The following MTHFD2L variants were observed in gnomAD, a reference collection of about 807,000 sequenced individuals.
The protein encoded by MTHFD2L is bifunctional methylenetetrahydrofolate dehydrogenase/cyclohydrolase 2, mitochondrial.
Under a neutral mutation model 34.9 loss-of-function variants are expected in MTHFD2L, and 29 were observed. The ratio of observed to expected loss-of-function variants is 0.83; its 90% CI spans 0.62 to 1.13. The LOEUF is 1.13. Among genes scored for constraint, MTHFD2L ranks in the 50% most tolerant of loss-of-function variants. The pLI is 0.00. For missense variants in MTHFD2L, 481 were observed against 446.5 expected (o/e 1.08, Z -0.70); for synonymous variants, 167 against 155.7 (o/e 1.07, Z -0.54).
intron 6 of MTHFD2L, among the ~76,000 whole-genome samples, chr4:74,266,016 A>G (rs370277394): frequency 4.6e-5 from 7 of 152,304 alleles, no homozygotes; most frequent in African/African-American, 1.7e-4. Flanking sequence ...ATATTTGTAT[A>G]TCTGATTTAA....
At chr4:74,273,364 G>A (rs1746235263) in intron 6 of MTHFD2L, among the ~76,000 whole-genome samples, 1 of 152,132 alleles carries the variant, frequency 6.6e-6, no homozygotes, top group African/African-American at 2.4e-5. Context: ...ATAGGATAAA[G>A]GCCATTAAGT....
chr4:74,261,591 C>A (rs1456269048), intron 6 of MTHFD2L, among the ~76,000 whole-genome samples: 1 of 151,946 alleles, frequency 6.6e-6, no homozygotes, highest in Non-Finnish European at 1.5e-5. Context: ...TGATTTTGCA[C>A]AGGAGTGGAA....
intron 1 of MTHFD2L, among the ~76,000 whole-genome samples, chr4:74,134,852 G>T (rs907580997): frequency 3.9e-5 from 6 of 151,932 alleles, no homozygotes; most frequent in Non-Finnish European, 7.4e-5. Flanking sequence ...CTCAACCACA[G>T]AATAGGTCAA....
chr4:74,241,151 A>T lies in MTHFD2L; in HGVS notation c.805+15757A>T, dbSNP rs139565402. ...AATATGAGGGAAAGAGATAGAAAAG[A>T]AACCCCTCTACCTGCTCTCAATTGA... On this transcript the variant is annotated intron_variant, in intron 6 of 7. Transcript: ENST00000325278. Among the ~76,000 whole-genome samples, 450 of 152,284 alleles carry T rather than the reference A, an allele frequency of 3.0e-3. 4 individuals are homozygous for T. The highest frequency in any genetic ancestry group is 0.01 in the African/African-American group (420 of 41,560).
At chr4:74,260,919 AAAAC>A (rs1744602226) in intron 6 of MTHFD2L, among the ~76,000 whole-genome samples, 2 of 133,074 alleles carry the variant, frequency 1.5e-5, no homozygotes, top group Admixed American at 7.7e-5. Flanking sequence ...TTTTTTAAAA[AAAAC>A]AAAGAAACAA....
intron 3 of MTHFD2L, among the ~76,000 whole-genome samples, chr4:74,193,845 A>G (rs946551056): frequency 5.3e-5 from 8 of 152,186 alleles, no homozygotes; most frequent in African/African-American, 1.2e-4. Context: ...ATAAACAACT[A>G]TGCCATCTGT....
chr4:74,134,088 T>A (rs927006939), intron 1 of MTHFD2L, among the ~76,000 whole-genome samples: 1 of 152,152 alleles, frequency 6.6e-6, no homozygotes. Flanking sequence ...GAAATTGAGA[T>A]TGTCAACCAG....
intron 6 of MTHFD2L, chr4:74,242,256 C>A (rs890161058): frequency 6.6e-6 from 1 of 151,952 alleles, no homozygotes; most frequent in Non-Finnish European, 1.5e-5. Flanking sequence ...GACATTTAAT[C>A]TTTTCTGTAT....
At chr4:74,267,625 A>G (rs1009278914) in intron 6 of MTHFD2L, 1 of 567,520 alleles carries the variant, frequency 1.8e-6, no homozygotes, top group Non-Finnish European at 2.2e-6. Flanking sequence ...TGTAGTGACA[A>G]GGTTTCCCTA....
At chr4:74,142,998 T>C (rs1031554915) in intron 1 of MTHFD2L, among the ~76,000 whole-genome samples, 1 of 152,214 alleles carries the variant, frequency 6.6e-6, no homozygotes, top group African/African-American at 2.4e-5. Flanking sequence ...TCATGGAGGA[T>C]GGATGCATGT....
intron 6 of MTHFD2L, among the ~76,000 whole-genome samples, chr4:74,240,582 C>G (rs147342365): frequency 6.6e-6 from 1 of 152,204 alleles, no homozygotes; most frequent in East Asian, 1.9e-4. Flanking sequence ...GATATGACCA[C>G]ACACAGTCAT....
intron 5 of MTHFD2L, among the ~76,000 whole-genome samples, chr4:74,221,462 A>G (rs918112410): frequency 6.6e-6 from 1 of 151,648 alleles, no homozygotes; most frequent in Non-Finnish European, 1.5e-5. Flanking sequence ...TCTTATGTAT[A>G]TATTATTTTT....
chr4:74,283,502 T>C (rs1747757856), intron 7 of MTHFD2L, among the ~76,000 whole-genome samples: 1 of 152,106 alleles, frequency 6.6e-6, no homozygotes, highest in Admixed American at 6.6e-5. Context: ...TGAACAGGGC[T>C]GGGAGACCTA....
At chr4:74,218,783 T>C (rs763749073) in intron 5 of MTHFD2L, among the ~76,000 whole-genome samples, 22 of 152,100 alleles carry the variant, frequency 1.4e-4, no homozygotes, top group Non-Finnish European at 2.9e-4. Context: ...TGGGTCCTAG[T>C]TGATAATTCT....
chr4:74,225,279 A>G, intron 5 of MTHFD2L, 23 bp from the exon 6 acceptor site: 1 of 1,580,440 alleles, frequency 6.3e-7, no homozygotes, highest in East Asian at 2.2e-5. Context: ...GTAATCACTG[A>G]TAGAAATTCT....
Position 74,301,856 on chromosome 4 carries a change from T to C in MTHFD2L, c.*47T>C, listed in dbSNP as rs1404528542. 1 of 1,240,614 alleles carries C rather than the reference T, an allele frequency of 8.1e-7. No individual in the cohort carries two copies. Among genetic ancestry groups the C allele is most frequent in the African/African-American group, 1.5e-5 (1 of 66,128 alleles). The allele number at this position is 1,240,614 out of a possible 1,614,324, so 76.9% of individuals were successfully genotyped here. ...AACTGAAGTCATGCTATTTGTTTAT[T>C]TGACAAAGGGTAAAACCTTTATATT... On this transcript the variant is annotated 3_prime_UTR_variant, in exon 8 of 8. Transcript: ENST00000325278.
At chr4:74,256,975 T>G (rs1452013230) in intron 6 of MTHFD2L, among the ~76,000 whole-genome samples, 7 of 152,200 alleles carry the variant, frequency 4.6e-5, no homozygotes, top group South Asian at 2.1e-4. Context: ...TTTTAGAATT[T>G]TTTTTTCTAA....
chr4:74,228,112 C>CA (rs2110130471), intron 6 of MTHFD2L, among the ~76,000 whole-genome samples: 1 of 152,144 alleles, frequency 6.6e-6, no homozygotes, highest in Admixed American at 6.5e-5. Context: ...CCTGTTTTTC[C>CA]AAAAAATTAC....
chr4:74,190,565 G>T, intron 3 of MTHFD2L: 1 of 974,330 alleles, frequency 1.0e-6, no homozygotes, highest in Non-Finnish European at 1.2e-6. Context: ...AGAATTTGGG[G>T]TGGAGTAGCT....
Sources: allele counts gnomAD v4.1 joint callset (sites outside exome capture counted in the v4.1 genomes callset), GRCh38; gene constraint gnomAD v4.1.1; transcripts MANE v1.5; gene names NCBI Gene and HGNC (gene_info 2026-07-23, HGNC 2026-07-21).